CHSY3: variants seen among roughly 807,000 people sequenced by gnomAD.
The protein encoded by CHSY3 is N-acetylgalactosaminyl-proteoglycan 3-beta-glucuronosyltransferase 3.
Under a neutral mutation model 67.2 loss-of-function variants are expected in CHSY3, and 35 were observed. The ratio of observed to expected loss-of-function variants is 0.52; its 90% CI spans 0.40 to 0.69. The LOEUF (loss-of-function observed/expected upper bound fraction) is 0.69. Among genes scored for constraint, CHSY3 ranks in the 30% least tolerant of loss-of-function variants. CHSY3 has a pLI of 0.00. For synonymous variants in CHSY3, 474 were observed against 434.7 expected, an observed-to-expected ratio of 1.09 and a Z score of -1.12; for missense variants, 1,069 against 1,138.5, an observed-to-expected ratio of 0.94 and a Z score of 0.88.
chr5:130,117,199 A>G (rs1767838774), intron 2 of CHSY3, among the ~76,000 whole-genome samples: 2 of 152,112 alleles, frequency 1.3e-5, no homozygotes, highest in South Asian at 4.1e-4. Context: ...GAGCACAAGG[A>G]ATTGGTGGGA....
At chr5:129,962,640 GTCTC>G (rs1386967644) in intron 2 of CHSY3, among the ~76,000 whole-genome samples, 2 of 151,996 alleles carry the variant, frequency 1.3e-5, no homozygotes, top group Non-Finnish European at 2.9e-5. Flanking sequence ...TTGCAGCTCT[GTCTC>G]ATGCTCTCTG....
intron 2 of CHSY3, among the ~76,000 whole-genome samples, chr5:130,114,027 A>G (rs1767681736): frequency 6.6e-6 from 1 of 151,998 alleles, no homozygotes; most frequent in Non-Finnish European, 1.5e-5. Flanking sequence ...TTTTATTCAT[A>G]TTTTTTCTTC....
intron 2 of CHSY3, among the ~76,000 whole-genome samples, chr5:129,976,920 A>G (rs1415442741): frequency 6.6e-6 from 1 of 150,478 alleles, no homozygotes; most frequent in Non-Finnish European, 1.5e-5. Flanking sequence ...AGACATATAT[A>G]TATATATATA....
At chr5:130,091,626 T>C (rs2149693254) in intron 2 of CHSY3, among the ~76,000 whole-genome samples, 1 of 152,296 alleles carries the variant, frequency 6.6e-6, no homozygotes, top group Admixed American at 6.5e-5. Flanking sequence ...TCTGTAGGAT[T>C]AAGATAATTA....
intron 2 of CHSY3, among the ~76,000 whole-genome samples, chr5:130,071,039 C>G (rs946709610): frequency 6.6e-6 from 1 of 151,728 alleles, no homozygotes; most frequent in Non-Finnish European, 1.5e-5. Context: ...GATAGATAGA[C>G]AGAGAGACGG....
chr5:129,904,899 T>C lies in CHSY3; in HGVS notation c.70T>C (p.Ser24Pro). The part of the protein sequence containing the change: ...LGLVLGFTAA[S>P]WLIAPRVAEL... Reference sequence around the variant, plus strand: ...GCTGGTGCTGGGCTTCACCGCCGCGTCCTGGCTCATCGCCCCCAGGGTGGC... The same window carrying C: ...GCTGGTGCTGGGCTTCACCGCCGCGCCCTGGCTCATCGCCCCCAGGGTGGC... Residue 24 changes from serine to proline, a missense_variant, in exon 1 of 3, where the codon TCC becomes CCC. Around this residue, in one of 5 missense-constraint regions of CHSY3, gnomAD observed 309 missense variants for 262.5 expected, o/e 1.18. Coordinates refer to ENST00000305031, the MANE Select transcript of CHSY3 (RefSeq NM_175856.5). The C allele has an allele frequency of 6.5e-7, 1 of 1,528,908 alleles. No individual in the cohort carries two copies. The highest frequency in any genetic ancestry group is 8.8e-7 in the Non-Finnish European group (1 of 1,139,392). The allele number at this position is 1,528,908 out of a possible 1,614,324, so 94.7% of individuals were successfully genotyped here.
At chr5:130,076,370 A>T (rs1174502699) in intron 2 of CHSY3, among the ~76,000 whole-genome samples, 1 of 147,772 alleles carries the variant, frequency 6.8e-6, no homozygotes, top group Admixed American at 6.8e-5. Context: ...TTGCGGTCTT[A>T]TCACATTCTA....
At chr5:130,060,799 A>G (rs1416450576) in intron 2 of CHSY3, among the ~76,000 whole-genome samples, 1 of 152,060 alleles carries the variant, frequency 6.6e-6, no homozygotes, top group Non-Finnish European at 1.5e-5. Flanking sequence ...CAAGAACTCA[A>G]TCCCATTTAC....
chr5:130,040,552 A>G (rs1057309225), intron 2 of CHSY3, among the ~76,000 whole-genome samples: 10 of 152,144 alleles, frequency 6.6e-5, no homozygotes, highest in African/African-American at 2.4e-4. Context: ...TTACTCACTT[A>G]ATGGCCTATG....
At chr5:129,976,195 G>A (rs987464890) in intron 2 of CHSY3, among the ~76,000 whole-genome samples, 2 of 152,038 alleles carry the variant, frequency 1.3e-5, no homozygotes, top group Admixed American at 6.6e-5. Flanking sequence ...GAGTTCTCTC[G>A]AAGAAGAAAT....
At chr5:130,020,447 ATATATATATATATATTT>A (rs1355085106) in intron 2 of CHSY3, among the ~76,000 whole-genome samples, 581 of 37,344 alleles carry the variant, frequency 0.016, 17 homozygotes, top group Middle Eastern at 0.027. Flanking sequence ...ATATATATAT[ATATATATATATATATTT>A]TTTTTTTTTT....
chr5:130,147,644 G>A (rs1485472170), intron 2 of CHSY3, among the ~76,000 whole-genome samples: 2 of 152,128 alleles, frequency 1.3e-5, no homozygotes, highest in African/African-American at 4.8e-5. Context: ...GTAGGGTATA[G>A]AGGAAGCATG....
At chr5:130,143,750 ATATATATGTGTGTGTGTG>A (rs1768956131) in intron 2 of CHSY3, among the ~76,000 whole-genome samples, 1 of 120,004 alleles carries the variant, frequency 8.3e-6, no homozygotes, top group South Asian at 3.0e-4. Context: ...ATATATATAT[ATATATATGTGTGTGTGTG>A]TATATATATA....
chr5:130,123,784 G>A (rs950856994), intron 2 of CHSY3, among the ~76,000 whole-genome samples: 3 of 152,096 alleles, frequency 2.0e-5, no homozygotes, highest in African/African-American at 7.2e-5. Flanking sequence ...CTGGCCAGGC[G>A]TAGTGGCTCA....
chr5:129,913,028 C>T (rs545155397), intron 2 of CHSY3, among the ~76,000 whole-genome samples: 4 of 152,236 alleles, frequency 2.6e-5, no homozygotes, highest in Non-Finnish European at 4.4e-5. Flanking sequence ...TGGCAAAGAT[C>T]ACACTTTTGG....
At chr5:129,979,218 A>G (rs922952754) in intron 2 of CHSY3, among the ~76,000 whole-genome samples, 1 of 150,468 alleles carries the variant, frequency 6.6e-6, no homozygotes, top group Non-Finnish European at 1.5e-5. Context: ...AAAAAAAAAA[A>G]AAAAAAAGAA....
At chr5:130,111,797 G>C (rs1767597198) in intron 2 of CHSY3, among the ~76,000 whole-genome samples, 1 of 151,918 alleles carries the variant, frequency 6.6e-6, no homozygotes, top group Non-Finnish European at 1.5e-5. Context: ...ATAAAATGCT[G>C]ACAGAAATAT....
chr5:130,001,602 C>A, intron 2 of CHSY3: 1 of 855,428 alleles, frequency 1.2e-6, no homozygotes, highest in Non-Finnish European at 1.4e-6. Context: ...CATGAGCATT[C>A]TGTGAGAATT....
intron 2 of CHSY3, among the ~76,000 whole-genome samples, chr5:129,966,932 G>A (rs1762484803): frequency 6.6e-6 from 1 of 151,810 alleles, no homozygotes; most frequent in African/African-American, 2.4e-5. Context: ...TAAGGTCAAA[G>A]TACTCCTTGT....
Sources: allele counts gnomAD v4.1 joint callset (sites outside exome capture counted in the v4.1 genomes callset), GRCh38; gene constraint gnomAD v4.1.1; regional missense constraint gnomAD v4.1.1; transcripts MANE v1.5; gene names NCBI Gene and HGNC (gene_info 2026-07-23, HGNC 2026-07-21).